The following RILPL1 variants were observed in gnomAD, a reference collection of about 807,000 sequenced individuals.
RILPL1 encodes Rab interacting lysosomal protein like 1, also known as RILP-like protein 1.
RILPL1 carries 33 observed loss-of-function variants against 50.3 expected under a neutral mutation model. The ratio of observed to expected loss-of-function variants is 0.66; its 90% CI spans 0.50 to 0.88. RILPL1 has a LOEUF of 0.88. Among genes scored for constraint, RILPL1 ranks in the 40% least tolerant of loss-of-function variants. The pLI is 0.00. For synonymous variants in RILPL1, 205 were observed against 228.6 expected, an observed-to-expected ratio of 0.90 and a Z score of 0.93; for missense variants, 418 against 542.5, an observed-to-expected ratio of 0.77 and a Z score of 2.28.
At position 123,509,604 on chromosome 12, in the gene RILPL1, C is replaced by T. The variant is rs537742660; in HGVS notation, c.461-10068G>A. ...AAGAAGGAAATCCTGTCACATGCTG[C>T]CACGTGGATGAACCCTGAAGACCTT... On this transcript the variant is annotated intron_variant, in intron 2 of 6. Coordinates refer to ENST00000376874, the MANE Select transcript of RILPL1 (RefSeq NM_178314.5). 2.6e-5 allele frequency among the ~76,000 whole-genome samples: 4 copies of T among 152,008 alleles called. No homozygotes were observed. The East Asian group carries it at 7.7e-4, about 29-fold the overall frequency.
intron 1 of RILPL1, among the ~76,000 whole-genome samples, chr12:123,527,885 T>C (rs1445537530): frequency 6.6e-6 from 1 of 151,966 alleles, no homozygotes; most frequent in Non-Finnish European, 1.5e-5. Context: ...AAGAAATGGA[T>C]CCTCCTCCAC....
At chr12:123,499,711 T>C (rs1173702605) in intron 2 of RILPL1, among the ~76,000 whole-genome samples, 175 bp from the exon 3 acceptor site, 1 of 152,094 alleles carries the variant, frequency 6.6e-6, no homozygotes, top group Non-Finnish European at 1.5e-5. Context: ...TGCTTTCTAT[T>C]CCTTGATTCC....
At chr12:123,524,438 C>T (rs544724961) in intron 1 of RILPL1, among the ~76,000 whole-genome samples, 4 of 152,250 alleles carry the variant, frequency 2.6e-5, no homozygotes, top group African/African-American at 4.8e-5. Flanking sequence ...GTCCTTGGAT[C>T]GGCTCAAGAG....
rs528602242 is a variant in RILPL1 at position 123,491,458 on chromosome 12, C to T, written c.802-5653G>A. On this transcript the variant is annotated intron_variant, in intron 4 of 6. Transcript: ENST00000376874. This position sits in a 1 kb window ranked among gnomAD's most constrained non-coding sequence, Gnocchi z 4.0. Reference sequence around the variant, plus strand: ...GCATCCTGGGTCAGGGCCTCCATCCCGAGGCCTTAGGAATGCTCCTCACTG... The same window carrying T: ...GCATCCTGGGTCAGGGCCTCCATCCTGAGGCCTTAGGAATGCTCCTCACTG... Among the ~76,000 whole-genome samples the T allele has an allele frequency of 3.3e-5, 5 of 152,308 alleles. No homozygotes were observed. Among genetic ancestry groups the T allele is most frequent in the Admixed American group, 1.3e-4 (2 of 15,300 alleles).
intron 2 of RILPL1, among the ~76,000 whole-genome samples, chr12:123,515,879 A>G (rs1347709896): frequency 1.3e-5 from 2 of 151,740 alleles, no homozygotes; most frequent in Non-Finnish European, 2.9e-5. Flanking sequence ...TACTAAAAAT[A>G]CAAAATTAGC....
intron 2 of RILPL1, 32 bp downstream of exon 2, chr12:123,523,463 G>A (rs1333722778): frequency 4.3e-6 from 7 of 1,612,914 alleles, no homozygotes; most frequent in Non-Finnish European, 5.9e-6. Context: ...GGAATGGCCG[G>A]CCCCCTTGCA....
Position 123,533,362 on chromosome 12 carries a change from C to G in RILPL1, c.121G>C (p.Val41Leu). ...GCCTCGCAGCCGTGCTGGTCAATGA[C>G]CCGCTCGAACTCGTGGCCCACAAGC... Reference protein sequence around the residue: ...ASLVGHEFERVIDQHGCEAIA... With the variant: ...ASLVGHEFERLIDQHGCEAIA... The change falls in exon 1 of 7, where the codon GTC becomes CTC. Residue 41 changes from valine (V) to leucine (L), a missense_variant. Physicochemically the swap from Val to Leu is conservative, Grantham distance 32 (BLOSUM62 1). Transcript: ENST00000376874. This position sits in a 1 kb window ranked among gnomAD's most constrained non-coding sequence, Gnocchi z 6.2. The G allele has an allele frequency of 1.9e-6, 3 of 1,573,470 alleles. No individual in the cohort carries two copies. Among genetic ancestry groups the G allele is most frequent in the Non-Finnish European group, 2.6e-6 (3 of 1,161,498 alleles).
At chr12:123,523,415 G>T in intron 2 of RILPL1, 80 bp downstream of exon 2, 2 of 1,534,948 alleles carry the variant, frequency 1.3e-6, no homozygotes, top group Non-Finnish European at 1.8e-6. Flanking sequence ...AGCGTCCAGG[G>T]GTGGTGGCGA....
intron 4 of RILPL1, among the ~76,000 whole-genome samples, chr12:123,496,188 A>G (rs1289986472): frequency 6.6e-6 from 1 of 150,434 alleles, no homozygotes; most frequent in Non-Finnish European, 1.5e-5. Context: ...TAATTTTTGT[A>G]TTTTTAGTAG....
intron 6 of RILPL1, among the ~76,000 whole-genome samples, chr12:123,479,613 C>T (rs1881825369): frequency 6.6e-6 from 1 of 152,130 alleles, no homozygotes; most frequent in African/African-American, 2.4e-5. Context: ...TAGAGGTGGA[C>T]AAAGGCGACC....
intron 2 of RILPL1, among the ~76,000 whole-genome samples, chr12:123,506,993 T>C (rs530188406): frequency 1.5e-4 from 23 of 151,612 alleles, no homozygotes; most frequent in African/African-American, 5.3e-4. Flanking sequence ...GAGGCAGGGA[T>C]GAAAAGAAGG....
At chr12:123,503,380 T>C (rs1450690869) in intron 2 of RILPL1, among the ~76,000 whole-genome samples, 8 of 151,388 alleles carry the variant, frequency 5.3e-5, no homozygotes, top group Admixed American at 5.3e-4. Flanking sequence ...TTTGTATTTT[T>C]AGTACAGATG....
Position 123,533,215 on chromosome 12 carries a change from C to G in RILPL1, c.268G>C (p.Glu90Gln). The G allele has an allele frequency of 1.3e-6, 2 of 1,589,566 alleles. No homozygotes were observed. Among genetic ancestry groups the G allele is most frequent in the Non-Finnish European group, 1.7e-6 (2 of 1,174,320 alleles). ...LRLELDRLRL[E>Q]RMDRIEKERK... ...TCCTTCTCGATGCGGTCCATCCTCT[C>G]CAGGCGCAGGCGGTCCAGCTCCAGG... Residue 90 changes from glutamate to glutamine, a missense_variant, in exon 1 of 7, where the codon GAG becomes CAG. Coordinates refer to ENST00000376874, the MANE Select transcript of RILPL1 (RefSeq NM_178314.5). This position sits in a 1 kb window ranked among gnomAD's most constrained non-coding sequence, Gnocchi z 6.2.
chr12:123,492,103 GTCT>G (rs1882728572), intron 4 of RILPL1, among the ~76,000 whole-genome samples: 1 of 151,922 alleles, frequency 6.6e-6, no homozygotes, highest in Admixed American at 6.6e-5. Context: ...GGGAAACCCT[GTCT>G]CTACTAAAAA....
chr12:123,477,180 T>C (rs895032717), intron 6 of RILPL1, among the ~76,000 whole-genome samples: 3 of 152,196 alleles, frequency 2.0e-5, no homozygotes, highest in Non-Finnish European at 4.4e-5. Context: ...CTAGAGCTTA[T>C]TTTGAAAAGC....
intron 1 of RILPL1, among the ~76,000 whole-genome samples, chr12:123,526,137 C>G (rs1266015145): frequency 3.3e-5 from 5 of 151,922 alleles, no homozygotes; most frequent in African/African-American, 1.2e-4. Context: ...AAAACCCCGT[C>G]TCTACTGAAA....
At chr12:123,476,720 G>A (rs538733549) in intron 6 of RILPL1, among the ~76,000 whole-genome samples, 9 of 149,684 alleles carry the variant, frequency 6.0e-5, no homozygotes, top group Non-Finnish European at 1.2e-4. Context: ...CCCTGCTGAC[G>A]CCTTTATCGT....
At chr12:123,479,623 C>T (rs1593533473) in intron 6 of RILPL1, among the ~76,000 whole-genome samples, 1 of 152,320 alleles carries the variant, frequency 6.6e-6, no homozygotes, top group East Asian at 1.9e-4. Context: ...CAAAGGCGAC[C>T]AGTGTCCTGC....
At position 123,525,420 on chromosome 12, in the gene RILPL1, C is replaced by A. The variant is rs1371013662; in HGVS notation, c.310-1775G>T. On this transcript the variant is annotated intron_variant, in intron 1 of 6. Coordinates refer to ENST00000376874, the MANE Select transcript of RILPL1 (RefSeq NM_178314.5). ...TTTTTTAGAGATGGGGTATTGCTGG[C>A]TGAGTGTGGTGGATCATGCCTGTAA... 2.1e-5 allele frequency among the ~76,000 whole-genome samples: 3 copies of A among 139,732 alleles called. No individual in the cohort carries two copies. In the East Asian group the frequency reaches 7.0e-4, roughly 33 times the overall value. The allele number at this position is 139,732 out of a possible 152,430, so 91.7% of individuals were successfully genotyped here. A position where few individuals can be genotyped will look rare whatever the true frequency, so the allele number is the denominator to read the frequency against.
Sources: gnomAD v4.1 joint callset for allele counts (sites outside exome capture counted in the v4.1 genomes callset) on GRCh38, gnomAD v4.1.1 for gene constraint, Gnocchi (gnomAD v3.1) non-coding constraint, MANE v1.5 for transcripts, NCBI Gene and HGNC (gene_info 2026-07-23, HGNC 2026-07-21) for gene names.